SPMIP11: variants seen among roughly 807,000 people sequenced by gnomAD.
SPMIP11 encodes long intergenic non-protein coding RNA 935.
chr12:48,768,731 G>C, the SPMIP11 span: 1 of 1,612,984 alleles, frequency 6.2e-7, no homozygotes, highest in Non-Finnish European at 8.5e-7. Context: ...GGGAGTGGGA[G>C]GGGAGCCCGC....
the SPMIP11 span, among the ~76,000 whole-genome samples, chr12:48,754,127 G>A: frequency 0.35 from 52,994 of 152,058 alleles, 10,197 homozygotes; most frequent in Non-Finnish European, 0.44. Context: ...GGGGCAGAGT[G>A]TGATGGCTCA....
chr12:48,750,897 A>G, the SPMIP11 span, among the ~76,000 whole-genome samples: 1 of 152,172 alleles, frequency 6.6e-6, no homozygotes, highest in Admixed American at 6.5e-5. Context: ...CTTTCTGTCC[A>G]TCTGGTTTTA....
the SPMIP11 span, among the ~76,000 whole-genome samples, chr12:48,752,777 T>C: frequency 6.6e-6 from 1 of 151,408 alleles, no homozygotes; most frequent in Admixed American, 6.6e-5. Context: ...GTTCAAGCGA[T>C]TCTCCTGCCT....
chr12:48,748,695 C>G, the SPMIP11 span, among the ~76,000 whole-genome samples: 11 of 152,260 alleles, frequency 7.2e-5, no homozygotes, highest in South Asian at 4.2e-4. Context: ...CCAACACCTC[C>G]TCCCCCATCC....
the SPMIP11 span, among the ~76,000 whole-genome samples, chr12:48,761,515 G>A: frequency 6.6e-6 from 1 of 150,786 alleles, no homozygotes; most frequent in Non-Finnish European, 1.5e-5. Context: ...AGGAGGCTCA[G>A]GTGGGAGAAT....
chr12:48,751,513 G>A, the SPMIP11 span, among the ~76,000 whole-genome samples: 2 of 151,588 alleles, frequency 1.3e-5, no homozygotes. Context: ...GGCTGAGGTG[G>A]GAGGATCACT....
At chr12:48,749,971 G>A in the SPMIP11 span, among the ~76,000 whole-genome samples, 4 of 151,640 alleles carry the variant, frequency 2.6e-5, no homozygotes, top group Admixed American at 6.6e-5. Flanking sequence ...GATTACAGGC[G>A]TGAGCCACCA....
At chr12:48,748,253 G>A in the SPMIP11 span, among the ~76,000 whole-genome samples, 1 of 151,992 alleles carries the variant, frequency 6.6e-6, no homozygotes, top group Non-Finnish European at 1.5e-5. Flanking sequence ...TCTACTCAAA[G>A]ATTTTGCTCC....
At chr12:48,736,320 G>A in the SPMIP11 span, 1 of 224,414 alleles carries the variant, frequency 4.5e-6, no homozygotes, top group African/African-American at 2.4e-5. Context: ...GCTGAGGTGG[G>A]AGGATTGCTT....
the SPMIP11 span, chr12:48,766,587 A>C: frequency 6.6e-6 from 1 of 152,606 alleles, no homozygotes; most frequent in East Asian, 1.9e-4. Context: ...TGTCTGGAAA[A>C]CAAGTCTTTT....
the SPMIP11 span, chr12:48,768,389 A>G: frequency 1.4e-6 from 1 of 707,182 alleles, no homozygotes; most frequent in Non-Finnish European, 2.3e-6. Context: ...AGTCACTTGC[A>G]TAATCCTCTC....
At chr12:48,743,933 C>CA in the SPMIP11 span, among the ~76,000 whole-genome samples, 1,712 of 34,802 alleles carry the variant, frequency 0.049, 118 homozygotes, top group Non-Finnish European at 0.06. Context: ...GACTTCGTCT[C>CA]AAAAAAAAAA....
At chr12:48,743,183 A>T in the SPMIP11 span, among the ~76,000 whole-genome samples, 2 of 151,844 alleles carry the variant, frequency 1.3e-5, no homozygotes, top group Non-Finnish European at 2.9e-5. Context: ...ACTTGAGGTC[A>T]GGAGTTCAAG....
chr12:48,735,510 A>G, the SPMIP11 span, among the ~76,000 whole-genome samples: 6 of 152,100 alleles, frequency 3.9e-5, no homozygotes, highest in Non-Finnish European at 5.9e-5. Context: ...ACTTGAACCC[A>G]GGAAGCAGAG....
the SPMIP11 span, among the ~76,000 whole-genome samples, chr12:48,765,226 A>G: frequency 6.6e-6 from 1 of 152,056 alleles, no homozygotes. Flanking sequence ...CTAGTGCAAA[A>G]CAAGTGTCCA....
chr12:48,743,051 C>T, the SPMIP11 span, among the ~76,000 whole-genome samples: 1 of 151,982 alleles, frequency 6.6e-6, no homozygotes, highest in Admixed American at 6.6e-5. Context: ...AGTTCAAGAC[C>T]AGCCTGGGCA....
chr12:48,756,930 T>C, the SPMIP11 span, among the ~76,000 whole-genome samples: 1 of 151,946 alleles, frequency 6.6e-6, no homozygotes, highest in Admixed American at 6.6e-5. Context: ...GCGTGAACAC[T>C]ACTCCTGGCT....
At chr12:48,733,663 T>A in the SPMIP11 span, among the ~76,000 whole-genome samples, 2 of 151,980 alleles carry the variant, frequency 1.3e-5, no homozygotes, top group Admixed American at 1.3e-4. Context: ...GTATATAGAG[T>A]TTGGTATCAT....
At chr12:48,742,316 CTG>C in the SPMIP11 span, among the ~76,000 whole-genome samples, 1 of 135,102 alleles carries the variant, frequency 7.4e-6, no homozygotes, top group South Asian at 2.4e-4. Flanking sequence ...GAGTCTCACT[CTG>C]TCGCCAAGGC....
Sources: gnomAD v4.1 joint callset for allele counts (sites outside exome capture counted in the v4.1 genomes callset) on GRCh38, gnomAD v4.1.1 for gene constraint, MANE v1.5 for transcripts, NCBI Gene and HGNC (gene_info 2026-07-23, HGNC 2026-07-21) for gene names.